The following PPIP5K2 variants were observed in gnomAD, a reference collection of about 807,000 sequenced individuals.
PPIP5K2 encodes diphosphoinositol pentakisphosphate kinase 2, also known as inositol hexakisphosphate and diphosphoinositol-pentakisphosphate kinase 2.
In PPIP5K2, 105 loss-of-function variants were observed where a neutral mutation model predicts 154.6. The ratio of observed to expected loss-of-function variants is 0.68; its 90% CI spans 0.58 to 0.80. PPIP5K2 has a LOEUF of 0.80. PPIP5K2 is among the 30% of genes least tolerant of loss of function. PPIP5K2 has a pLI of 0.00. For synonymous variants in PPIP5K2, 480 were observed against 490.3 expected (o/e 0.98, Z 0.28); for missense variants, 992 against 1,504.6 (o/e 0.66, Z 5.64).
intron 10 of PPIP5K2, 122 bp from the exon 11 acceptor site, chr5:103,153,726 G>A: frequency 1.7e-6 from 1 of 598,508 alleles, no homozygotes; most frequent in Non-Finnish European, 2.9e-6. Context: ...ATTCTTCATG[G>A]GAAAGATCTT....
At chr5:103,124,667 C>A (rs980625523) in intron 1 of PPIP5K2, among the ~76,000 whole-genome samples, 1 of 152,146 alleles carries the variant, frequency 6.6e-6, no homozygotes, top group Admixed American at 6.5e-5. Flanking sequence ...TTCTTCCCAA[C>A]TTTTTTCATA....
At position 103,211,034 on chromosome 5, in the gene PPIP5K2, T is replaced by C. The variant is rs185256621; in HGVS notation, c.*9400T>C. The C allele has an allele frequency of 1.9e-4, 29 of 152,254 alleles. No homozygotes were observed. Among genetic ancestry groups the C allele is most frequent in the African/African-American group, 6.7e-4 (28 of 41,566 alleles). The allele number at this position is 152,254 out of a possible 1,614,324, so 9.4% of individuals were successfully genotyped here. ...GGCCGTGAGTGGAAATCTGAGTGTA[T>C]AGGATGTGTTTCGTGTTCCCACTGC... is the stretch of plus-strand genomic sequence containing the variant. On this transcript the variant is annotated 3_prime_UTR_variant, in exon 31 of 31. Coordinates refer to ENST00000358359, the MANE Select transcript of PPIP5K2 (RefSeq NM_001276277.3).
chr5:103,175,979 G>C (rs1554220853), intron 21 of PPIP5K2, among the ~76,000 whole-genome samples: 1 of 152,054 alleles, frequency 6.6e-6, no homozygotes, highest in Non-Finnish European at 1.5e-5. Context: ...GAATCTGTAA[G>C]TAATATAATT....
At chr5:103,153,170 A>G (rs921211156) in intron 10 of PPIP5K2, among the ~76,000 whole-genome samples, 7 of 151,830 alleles carry the variant, frequency 4.6e-5, no homozygotes, top group African/African-American at 1.7e-4. Flanking sequence ...CAACTTAGAT[A>G]TTTATATTAA....
chr5:103,122,949 G>T lies in PPIP5K2; in HGVS notation c.-285+2461G>T, dbSNP rs545051755. ...GGTATGGAAGAGATGATTATCCCAG[G>T]CAGTAGTGTTCATGATAGTCTCAAG... On this transcript the variant is annotated intron_variant, in intron 1 of 30. Transcript: ENST00000358359. 6.6e-5 allele frequency among the ~76,000 whole-genome samples: 10 copies of T among 152,258 alleles called. No homozygotes were observed. In the South Asian group the frequency reaches 2.1e-3, roughly 32 times the overall value.
intron 19 of PPIP5K2, among the ~76,000 whole-genome samples, chr5:103,171,635 CTT>C (rs1237913732): frequency 2.6e-5 from 4 of 151,384 alleles, no homozygotes; most frequent in African/African-American, 7.3e-5. Flanking sequence ...AGTAATATAT[CTT>C]TGTGATAAAA....
chr5:103,140,276 T>G (rs1248582568), intron 5 of PPIP5K2, among the ~76,000 whole-genome samples: 1 of 151,852 alleles, frequency 6.6e-6, no homozygotes, highest in Non-Finnish European at 1.5e-5. Context: ...TTTCCAAACC[T>G]AAAGAAAGAT....
chr5:103,180,616 G>T (rs782198650), intron 24 of PPIP5K2, among the ~76,000 whole-genome samples: 1 of 151,920 alleles, frequency 6.6e-6, no homozygotes, highest in Non-Finnish European at 1.5e-5. Context: ...TTGGGAGGCC[G>T]AGGCGGGTGG....
At chr5:103,142,167 G>T (rs527312204) in intron 5 of PPIP5K2, among the ~76,000 whole-genome samples, 4 of 152,206 alleles carry the variant, frequency 2.6e-5, no homozygotes, top group African/African-American at 7.2e-5. Flanking sequence ...TGCAGGTCCC[G>T]AGCCCTGCCC....
rs559169033 is a variant in PPIP5K2, at chr5:103,179,006, T to A, written c.2755-1015T>A. On this transcript the variant is annotated intron_variant, in intron 23 of 30. Transcript: ENST00000358359. ...AAAAATTTTATAGCTAGCAAACTTATAACTTGATATATGCTGTTATTCATT... is the reference window on the plus strand; with the variant it reads ...AAAAATTTTATAGCTAGCAAACTTAAAACTTGATATATGCTGTTATTCATT... Among the ~76,000 whole-genome samples, 15 of 152,110 alleles carry A rather than the reference T, an allele frequency of 9.9e-5. No individual in the cohort carries two copies. The South Asian group carries it at 3.1e-3, about 31-fold the overall frequency.
rs782350828 is a variant in PPIP5K2, at chr5:103,190,855, T to C, written c.3366T>C (p.Tyr1122=). 27 of 1,592,520 alleles carry C rather than the reference T, an allele frequency of 1.7e-5. No homozygotes were observed. Among genetic ancestry groups the C allele is most frequent in the Non-Finnish European group, 2.2e-5 (26 of 1,172,666 alleles). The part of the protein sequence containing the change: ...ARHPTNGFEL[Y]SMVPSICPLE... The stretch of plus-strand genomic sequence containing the variant: ...TTTCTCTTCTAGGCTTTGAATTGTA[T>C]TCCATGGTGCCATCTATTTGTCCTC... The change falls in exon 29 of 31, where the codon TAT becomes TAC. Residue 1122 remains tyrosine (Y), a synonymous_variant. Coordinates refer to ENST00000358359, the MANE Select transcript of PPIP5K2 (RefSeq NM_001276277.3).
At chr5:103,182,948 A>G (rs572711981) in intron 24 of PPIP5K2, among the ~76,000 whole-genome samples, 9 of 152,098 alleles carry the variant, frequency 5.9e-5, no homozygotes, top group Non-Finnish European at 1.0e-4. Flanking sequence ...ATTATGAAGC[A>G]GTATAAGTAT....
At chr5:103,151,484 A>G (rs1182247991) in intron 9 of PPIP5K2, 110 bp downstream of exon 9, 2 of 895,478 alleles carry the variant, frequency 2.2e-6, no homozygotes, top group African/African-American at 3.4e-5. Flanking sequence ...AGTAAAGATC[A>G]GTGTTCATAA....
At chr5:103,142,285 T>A (rs1398212721) in intron 5 of PPIP5K2, among the ~76,000 whole-genome samples, 3 of 152,020 alleles carry the variant, frequency 2.0e-5, no homozygotes, top group African/African-American at 7.3e-5. Context: ...GGGTGCTAAG[T>A]CCCTCATTGT....
chr5:103,202,957 T>C lies in PPIP5K2; in HGVS notation c.*1323T>C, dbSNP rs1803229375. ...AAATAGTCATATATTAATTAACTTA[T>C]AGGAAATAAGCATACTATATGTTAG... On this transcript the variant is annotated 3_prime_UTR_variant, in exon 31 of 31. Transcript: ENST00000358359. The C allele has an allele frequency of 1.3e-5, 2 of 152,694 alleles. No homozygotes were observed. Among genetic ancestry groups the C allele is most frequent in the African/African-American group, 2.4e-5 (1 of 41,570 alleles). 9.5% of individuals were successfully genotyped at this position (152,694 alleles called of 1,614,324 possible). A position where few individuals can be genotyped will look rare whatever the true frequency, so the allele number is the denominator to read the frequency against.
At position 103,210,277 on chromosome 5, in the gene PPIP5K2, G is replaced by A. The variant is rs2149894516; in HGVS notation, c.*8643G>A. ...TGATAAATGTCTAGTTTGGAATCAT[G>A]TGGCTGAAAATCTTACCATATGCTT... On this transcript the variant is annotated 3_prime_UTR_variant, in exon 31 of 31. Coordinates refer to ENST00000358359, the MANE Select transcript of PPIP5K2 (RefSeq NM_001276277.3). 6.6e-6 allele frequency: 1 copy of A among 152,306 alleles called. No homozygotes were observed. The highest frequency in any genetic ancestry group is 1.5e-5 in the Non-Finnish European group (1 of 68,018). 9.4% of individuals were successfully genotyped at this position (152,306 alleles called of 1,614,324 possible).
rs1277628778 is a variant in PPIP5K2, at chr5:103,206,647, A to C, written c.*5013A>C. 6.6e-6 allele frequency: 1 copy of C among 152,202 alleles called. No homozygotes were observed. The highest frequency in any genetic ancestry group is 1.9e-4 in the East Asian group (1 of 5,182). 9.4% of individuals were successfully genotyped at this position (152,202 alleles called of 1,614,324 possible). A position where few individuals can be genotyped will look rare whatever the true frequency, so the allele number is the denominator to read the frequency against. ...AGCTGTGAAGTGTTGAGAGTCAGTTAAGGTAAGTAGCTGAAATGAAAATAA... is the reference window on the plus strand; with the variant it reads ...AGCTGTGAAGTGTTGAGAGTCAGTTCAGGTAAGTAGCTGAAATGAAAATAA... On this transcript the variant is annotated 3_prime_UTR_variant, in exon 31 of 31. Coordinates refer to ENST00000358359, the MANE Select transcript of PPIP5K2 (RefSeq NM_001276277.3).
chr5:103,168,977 G>A (rs782603051), intron 19 of PPIP5K2, among the ~76,000 whole-genome samples: 17 of 151,440 alleles, frequency 1.1e-4, no homozygotes, highest in Non-Finnish European at 2.4e-4. Flanking sequence ...AAAGAATTAC[G>A]GTCTTATATA....
chr5:103,127,684 G>A (rs1789922114), intron 1 of PPIP5K2, among the ~76,000 whole-genome samples: 1 of 152,100 alleles, frequency 6.6e-6, no homozygotes. Context: ...GGGTTACAGG[G>A]TGTTACTATA....
Sources: gnomAD v4.1 joint callset for allele counts (sites outside exome capture counted in the v4.1 genomes callset) on GRCh38, gnomAD v4.1.1 for gene constraint, MANE v1.5 for transcripts, NCBI Gene and HGNC (gene_info 2026-07-23, HGNC 2026-07-21) for gene names.